CDIP1: variants seen among roughly 807,000 people sequenced by gnomAD.
CDIP1 encodes the protein cell death-inducing p53-target protein 1.
CDIP1 carries 9 observed loss-of-function variants against 17.7 expected under a neutral mutation model. The observed-to-expected ratio is 0.51, with a 90% CI of 0.31 to 0.89. The LOEUF is 0.89. Ranked by LOEUF, CDIP1 falls within the 40% of genes least tolerant of loss-of-function variation. The probability of loss-of-function intolerance (pLI) is 0.05; values close to 1 mark genes in which losing one functional copy is unlikely to be tolerated. For synonymous variants in CDIP1, 117 were observed against 109.5 expected, an observed-to-expected ratio of 1.07 and a Z score of -0.43; for missense variants, 263 against 277.9, an observed-to-expected ratio of 0.95 and a Z score of 0.38.
intron 1 of CDIP1, among the ~76,000 whole-genome samples, chr16:4,537,075 A>T (rs930927732): frequency 2.0e-5 from 3 of 152,176 alleles, no homozygotes; most frequent in African/African-American, 7.2e-5. Flanking sequence ...TAAGGTAAAA[A>T]CCATTAAGAA....
chr16:4,528,683 CAAAAAAAAAAA>C (rs374609894), intron 1 of CDIP1, among the ~76,000 whole-genome samples: 7 of 50,934 alleles, frequency 1.4e-4, no homozygotes, highest in South Asian at 9.8e-4. Context: ...AACCCTGTCT[CAAAAAAAAAAA>C]AAAAAAAAAA....
intron 1 of CDIP1, among the ~76,000 whole-genome samples, chr16:4,518,594 C>G (rs1596487625): frequency 6.6e-6 from 1 of 152,300 alleles, no homozygotes; most frequent in East Asian, 1.9e-4. Context: ...TTCCTGAACC[C>G]CAGCAGAGAC....
At chr16:4,525,678 T>A (rs1203335388) in intron 1 of CDIP1, among the ~76,000 whole-genome samples, 1 of 152,182 alleles carries the variant, frequency 6.6e-6, no homozygotes, top group African/African-American at 2.4e-5. Flanking sequence ...CGCTGGGTGA[T>A]GAGCAGGAAA....
chr16:4,538,085 TC>T (rs1213873475), intron 1 of CDIP1, among the ~76,000 whole-genome samples: 1 of 150,990 alleles, frequency 6.6e-6, no homozygotes, highest in Non-Finnish European at 1.5e-5. Flanking sequence ...ACCCCTCCCC[TC>T]CCCGTCTCGC....
In CDIP1 at chr16:4,510,739, T is replaced by C. The variant is rs1307282206; in HGVS notation, c.*1833A>G. 1 of 152,240 alleles carries C rather than the reference T, an allele frequency of 6.6e-6. No homozygotes were observed. The highest frequency in any genetic ancestry group is 1.5e-5 in the Non-Finnish European group (1 of 68,038). 9.4% of individuals were successfully genotyped at this position (152,240 alleles called of 1,614,324 possible). A position where few individuals can be genotyped will look rare whatever the true frequency, so the allele number is the denominator to read the frequency against. Reference sequence around the variant, plus strand: ...AATAATTTTATTAATAGGAATCTACTACCTGTAAAAGTTTTATTTCAAAAA... The same window carrying C: ...AATAATTTTATTAATAGGAATCTACCACCTGTAAAAGTTTTATTTCAAAAA... On this transcript the variant is annotated 3_prime_UTR_variant, in exon 6 of 6. Transcript: ENST00000567695.
intron 1 of CDIP1, among the ~76,000 whole-genome samples, chr16:4,515,653 A>G (rs2058880059): frequency 6.6e-6 from 1 of 152,268 alleles, no homozygotes; most frequent in Non-Finnish European, 1.5e-5. Flanking sequence ...GGCCAAAAGC[A>G]CATGAAAAAC....
chr16:4,529,415 G>T (rs889317164), intron 1 of CDIP1, among the ~76,000 whole-genome samples: 7 of 152,172 alleles, frequency 4.6e-5, no homozygotes, highest in African/African-American at 1.7e-4. Flanking sequence ...CAGTGATCTC[G>T]CCAGGACTCT....
In CDIP1 at chr16:4,512,961, G is replaced by A. The variant is rs756964675; in HGVS notation, c.345C>T (p.Val115=). 1 of 1,587,714 alleles carries A rather than the reference G, an allele frequency of 6.3e-7. No homozygotes were observed. The change falls in exon 5 of 6, where the codon GTC becomes GTT. Residue 115 remains valine (V), a synonymous_variant. Transcript: ENST00000567695. This position sits in a 1 kb window ranked among gnomAD's most constrained non-coding sequence, Gnocchi z 4.6. ...YPGPGGHTAT[V]LVPSGAATTV... ...TGGTGGCAGCTCCTGAAGGGACCAG[G>A]ACTGTGGCTGTGTGGCCCCCAGGGC... is the stretch of plus-strand genomic sequence containing the variant.
chr16:4,527,107 A>C, intron 1 of CDIP1, among the ~76,000 whole-genome samples: 1 of 139,450 alleles, frequency 7.2e-6, no homozygotes, highest in Non-Finnish European at 1.5e-5. Context: ...TTTTTTTTTT[A>C]GACGGAGTCT....
At position 4,518,846 on chromosome 16, in the gene CDIP1, T is replaced by C. The variant is rs915175734; in HGVS notation, c.-104-4182A>G. Among the ~76,000 whole-genome samples the C allele has an allele frequency of 2.1e-4, 32 of 152,120 alleles. 1 individual carries two copies. The highest frequency in any genetic ancestry group is 2.1e-3 in the Admixed American group (32 of 15,274). On this transcript the variant is annotated intron_variant, in intron 1 of 5. Coordinates refer to ENST00000567695, the MANE Select transcript of CDIP1 (RefSeq NM_013399.3). ...TCAAATTAAGCTACAAAATGGAAAATGTCTGATCTGAAAATGCAGCCCCAG... is the reference window on the plus strand; with the variant it reads ...TCAAATTAAGCTACAAAATGGAAAACGTCTGATCTGAAAATGCAGCCCCAG...
rs2058867950 is a variant in CDIP1 at position 4,514,428 on chromosome 16, C to A, written c.-15+147G>T. 2 of 392,266 alleles carry A rather than the reference C, an allele frequency of 5.1e-6. No homozygotes were observed. The highest frequency in any genetic ancestry group is 4.2e-5 in the African/African-American group (2 of 47,688). The allele number at this position is 392,266 out of a possible 1,614,324, so 24.3% of individuals were successfully genotyped here. A position where few individuals can be genotyped will look rare whatever the true frequency, so the allele number is the denominator to read the frequency against. ...AGGTAAAGTCCCCCAAGGAGCCTAA[C>A]TCAGCACTTGCCCCACACGAGAGCA... On this transcript the variant is annotated intron_variant, in intron 2 of 5. Coordinates refer to ENST00000567695, the MANE Select transcript of CDIP1 (RefSeq NM_013399.3). This position sits in a 1 kb window ranked among gnomAD's most constrained non-coding sequence, Gnocchi z 5.2.
chr16:4,534,329 C>T (rs910420352), intron 1 of CDIP1, among the ~76,000 whole-genome samples: 4 of 152,182 alleles, frequency 2.6e-5, no homozygotes, highest in African/African-American at 4.8e-5. Context: ...TCCACTGCGT[C>T]CTCAGGAAAG....
intron 1 of CDIP1, among the ~76,000 whole-genome samples, chr16:4,531,270 C>T (rs529394870): frequency 1.3e-5 from 2 of 152,010 alleles, no homozygotes; most frequent in Non-Finnish European, 2.9e-5. Flanking sequence ...CCTCGTGATC[C>T]GCCTACCTCG....
intron 1 of CDIP1, among the ~76,000 whole-genome samples, chr16:4,521,820 G>C (rs565754145): frequency 3.3e-5 from 5 of 151,546 alleles, no homozygotes; most frequent in African/African-American, 4.8e-5. Flanking sequence ...TTCTTCCTCT[G>C]TAAACAGAGA....
intron 1 of CDIP1, among the ~76,000 whole-genome samples, chr16:4,527,048 G>C (rs2059008087): frequency 6.6e-6 from 1 of 151,640 alleles, no homozygotes; most frequent in African/African-American, 2.4e-5. Flanking sequence ...TGCCACAGGA[G>C]CCTGAGAGAG....
intron 1 of CDIP1, among the ~76,000 whole-genome samples, chr16:4,526,686 T>A (rs2059004364): frequency 6.8e-6 from 1 of 147,320 alleles, no homozygotes; most frequent in African/African-American, 2.5e-5. Flanking sequence ...GGCAACAGAG[T>A]GAGACTCCAT....
chr16:4,512,257 A>G lies in CDIP1; in HGVS notation c.*315T>C. 1 of 443,126 alleles carries G rather than the reference A, an allele frequency of 2.3e-6. No individual in the cohort carries two copies. Among genetic ancestry groups the G allele is most frequent in the South Asian group, 2.3e-5 (1 of 44,008 alleles). 27.4% of individuals were successfully genotyped at this position (443,126 alleles called of 1,614,324 possible). ...TGGACTGAACCTGTACCTTGTTTGG[A>G]AACAGAGGCATCAGGACCCCAGCAG... On this transcript the variant is annotated 3_prime_UTR_variant, in exon 6 of 6. Coordinates refer to ENST00000567695, the MANE Select transcript of CDIP1 (RefSeq NM_013399.3). The surrounding 1 kb of genome is among the most constrained non-coding windows in gnomAD (Gnocchi z 4.6).
In CDIP1 at chr16:4,512,321, A is replaced by C; in HGVS notation, c.*251T>G. On this transcript the variant is annotated 3_prime_UTR_variant, in exon 6 of 6. Transcript: ENST00000567695. The surrounding 1 kb of genome is among the most constrained non-coding windows in gnomAD (Gnocchi z 4.6). ...GCTTATCTTCCCGATCACACACACC[A>C]AGCAGACCAACAACACACAAGCTCA... 1 of 576,400 alleles carries C rather than the reference A, an allele frequency of 1.7e-6. No individual in the cohort carries two copies. The highest frequency in any genetic ancestry group is 3.1e-6 in the Non-Finnish European group (1 of 320,020). The allele number at this position is 576,400 out of a possible 1,614,324, so 35.7% of individuals were successfully genotyped here. A position where few individuals can be genotyped will look rare whatever the true frequency, so the allele number is the denominator to read the frequency against.
At chr16:4,536,208 C>G (rs959790267) in intron 1 of CDIP1, among the ~76,000 whole-genome samples, 3 of 152,210 alleles carry the variant, frequency 2.0e-5, no homozygotes, top group African/African-American at 7.2e-5. Flanking sequence ...CCATGTTCCT[C>G]AAAGTGGAGA....
Sources: gnomAD v4.1 joint callset for allele counts (sites outside exome capture counted in the v4.1 genomes callset) on GRCh38, gnomAD v4.1.1 for gene constraint, Gnocchi (gnomAD v3.1) non-coding constraint, MANE v1.5 for transcripts, NCBI Gene and HGNC (gene_info 2026-07-23, HGNC 2026-07-21) for gene names.